The following SPEF2 variants were observed in gnomAD, a reference collection of about 807,000 sequenced individuals.
The protein encoded by SPEF2 is sperm flagella and cilia-associated protein 2.
SPEF2 carries 187 observed loss-of-function variants against 224.6 expected under a neutral mutation model. The ratio of observed to expected loss-of-function variants is 0.83; its 90% CI spans 0.74 to 0.94. SPEF2 has a LOEUF of 0.94. Among genes scored for constraint, SPEF2 ranks in the 40% least tolerant of loss-of-function variants. The pLI is 0.00. For synonymous variants in SPEF2, 715 were observed against 707.3 expected (o/e 1.01, Z -0.17); for missense variants, 2,170 against 2,135.6 (o/e 1.02, Z -0.32).
At chr5:35,703,115 TTC>T (rs1200964876) in intron 16 of SPEF2, among the ~76,000 whole-genome samples, 1 of 33,524 alleles carries the variant, frequency 3.0e-5, no homozygotes, top group African/African-American at 1.3e-4. Flanking sequence ...TTTTTTTTTA[TTC>T]TCTCTTTATT....
chr5:35,762,337 C>T (rs976654031), intron 25 of SPEF2, among the ~76,000 whole-genome samples: 2 of 152,178 alleles, frequency 1.3e-5, no homozygotes, highest in Non-Finnish European at 2.9e-5. Flanking sequence ...ACATGTTGTA[C>T]TGTATTAAAC....
chr5:35,797,981 T>G (rs770073384), intron 33 of SPEF2, among the ~76,000 whole-genome samples: 3 of 152,096 alleles, frequency 2.0e-5, no homozygotes, highest in Admixed American at 1.3e-4. Context: ...TCATCCCCAG[T>G]TCCTCTCTTC....
intron 1 of SPEF2, among the ~76,000 whole-genome samples, chr5:35,624,818 G>A (rs1401809338): frequency 2.0e-5 from 3 of 152,116 alleles, no homozygotes; most frequent in Non-Finnish European, 1.5e-5. Context: ...TGTATTTTTA[G>A]TAGAGACAGG....
In SPEF2 at chr5:35,644,522, A is replaced by G. The variant is rs376805473; in HGVS notation, c.582A>G (p.Glu194=). 1.9e-4 allele frequency: 303 copies of G among 1,596,000 alleles called. No individual in the cohort carries two copies. The highest frequency in any genetic ancestry group is 3.9e-4 in the Admixed American group (22 of 56,040). ...AAGAGCAAAGATGTTTTGATATTGA[A>G]AAGGTTCTATAGAACTATTTTTTCA... The part of the protein sequence containing the change: ...LKEEQRCFDI[E]KQYLNRRRQN... The change falls in exon 4 of 37, where the codon GAA becomes GAG. Residue 194 remains glutamate, a synonymous_variant. Coordinates refer to ENST00000356031, the MANE Select transcript of SPEF2 (RefSeq NM_024867.4).
chr5:35,786,386 G>A lies in SPEF2; in HGVS notation c.4448-5954G>A, dbSNP rs918815047. Among the ~76,000 whole-genome samples the A allele has an allele frequency of 1.7e-3, 263 of 152,350 alleles. 3 individuals are homozygous for A. The highest frequency in any genetic ancestry group is 8.4e-4 in the Non-Finnish European group (57 of 68,026). On this transcript the variant is annotated intron_variant, in intron 30 of 36. Coordinates refer to ENST00000356031, the MANE Select transcript of SPEF2 (RefSeq NM_024867.4). ...TTAAAAAGCGAAGGAGAGGCTGGGC[G>A]TGGTGGCTCACGCCAGTAATCCCAG...
intron 20 of SPEF2, among the ~76,000 whole-genome samples, chr5:35,719,123 G>GA: frequency 1.3e-5 from 2 of 152,284 alleles, no homozygotes; most frequent in South Asian, 4.1e-4. Flanking sequence ...GGATTTGCAG[G>GA]ATAATTGCTT....
At chr5:35,667,334 A>G in intron 9 of SPEF2, 75 bp downstream of exon 9, 1 of 1,259,354 alleles carries the variant, frequency 7.9e-7, no homozygotes, top group Non-Finnish European at 1.1e-6. Flanking sequence ...AATAGATACT[A>G]GGATGATAAG....
intron 18 of SPEF2, 44 bp downstream of exon 18, chr5:35,705,852 G>A (rs751517001): frequency 7.9e-7 from 1 of 1,268,766 alleles, no homozygotes; most frequent in Non-Finnish European, 1.1e-6. Flanking sequence ...CAACTAAAAT[G>A]TGTGGTTTTT....
At chr5:35,796,757 T>C (rs1220570812) in intron 33 of SPEF2, among the ~76,000 whole-genome samples, 3 of 152,188 alleles carry the variant, frequency 2.0e-5, no homozygotes, top group African/African-American at 7.2e-5. Flanking sequence ...CAGTACAAAA[T>C]TGAGCAAGAT....
intron 19 of SPEF2, 115 bp from the exon 20 acceptor site, chr5:35,712,697 A>C: frequency 5.2e-6 from 5 of 964,806 alleles, no homozygotes; most frequent in African/African-American, 1.6e-5. Flanking sequence ...CATTTTATGC[A>C]GTTCACAAAT....
At chr5:35,692,505 A>G (rs1393290621) in intron 11 of SPEF2, 65 bp from the exon 12 acceptor site, 2 of 1,334,526 alleles carry the variant, frequency 1.5e-6, no homozygotes, top group African/African-American at 2.9e-5. Flanking sequence ...AAACCAGCAC[A>G]TAAAGACAAC....
rs370289596 is a variant in SPEF2 at position 35,705,669 on chromosome 5, C to T, written c.2526C>T (p.Asp842=). ...QIQHRIIGFL[D]NWPLLEQWFS... ...TTTGCAGAATTATAGGCTTCTTGGA[C>T]AACTGGCCTTTATTGGAGCAATGGT... Residue 842 remains aspartate, a synonymous_variant, in exon 18 of 37, where the codon GAC becomes GAT. Transcript: ENST00000356031. 57 of 1,584,420 alleles carry T rather than the reference C, an allele frequency of 3.6e-5. No homozygotes were observed. Among genetic ancestry groups the T allele is most frequent in the Non-Finnish European group, 4.7e-5 (55 of 1,171,354 alleles).
chr5:35,766,896 T>G (rs1212884461), intron 26 of SPEF2, among the ~76,000 whole-genome samples: 1 of 151,934 alleles, frequency 6.6e-6, no homozygotes, highest in Non-Finnish European at 1.5e-5. Flanking sequence ...TATGTTGTTT[T>G]CTGGCTTGAT....
chr5:35,627,224 T>C (rs1744385711), intron 1 of SPEF2, among the ~76,000 whole-genome samples: 1 of 152,106 alleles, frequency 6.6e-6, no homozygotes, highest in African/African-American at 2.4e-5. Context: ...TGTAAGTCTA[T>C]ATATTTTACT....
Position 35,806,953 on chromosome 5 carries a change from G to A in SPEF2, c.5256+1G>A, listed in dbSNP as rs1269688522. 1 of 1,589,942 alleles carries A rather than the reference G, an allele frequency of 6.3e-7. No individual in the cohort carries two copies. The highest frequency in any genetic ancestry group is 8.5e-7 in the Non-Finnish European group (1 of 1,171,032). The stretch of plus-strand genomic sequence containing the variant: ...AAAGATAGAGAACATTTATGCAGAG[G>A]TTGGTTAAATTATTTTGAAAAAAGT... On this transcript the variant is annotated splice_donor_variant, in intron 35 of 36. Coordinates refer to ENST00000356031, the MANE Select transcript of SPEF2 (RefSeq NM_024867.4). LOFTEE classifies it high-confidence loss of function.
At chr5:35,622,897 A>G (rs1743727269) in intron 1 of SPEF2, among the ~76,000 whole-genome samples, 1 of 152,208 alleles carries the variant, frequency 6.6e-6, no homozygotes, top group Non-Finnish European at 1.5e-5. Flanking sequence ...AGCAATTAAG[A>G]TTTAGTTTCA....
chr5:35,680,345 C>G (rs1353971292), intron 10 of SPEF2, among the ~76,000 whole-genome samples: 1 of 152,148 alleles, frequency 6.6e-6, no homozygotes, highest in Non-Finnish European at 1.5e-5. Context: ...TAGCTTCTGT[C>G]TATGAGGATT....
chr5:35,737,913 G>T (rs1437650061), intron 21 of SPEF2, among the ~76,000 whole-genome samples: 1 of 152,106 alleles, frequency 6.6e-6, no homozygotes, highest in Non-Finnish European at 1.5e-5. Context: ...ATTCTAACTG[G>T]TGTGAGATGG....
chr5:35,631,994 A>G (rs1745205097), intron 2 of SPEF2, among the ~76,000 whole-genome samples: 2 of 152,228 alleles, frequency 1.3e-5, no homozygotes, highest in South Asian at 4.1e-4. Flanking sequence ...TGTCCGTATC[A>G]CTGTCAGCAT....
Sources: allele counts gnomAD v4.1 joint callset (sites outside exome capture counted in the v4.1 genomes callset), GRCh38; gene constraint gnomAD v4.1.1; transcripts MANE v1.5; gene names NCBI Gene and HGNC (gene_info 2026-07-23, HGNC 2026-07-21).